Variants in ANKIB1 observed in about 807,000 individuals in gnomAD.
ANKIB1 encodes ankyrin repeat and IBR domain containing 1.
ANKIB1 carries 43 observed loss-of-function variants against 122.1 expected under a neutral mutation model. The observed-to-expected ratio is 0.35, with a 90% CI of 0.28 to 0.45. The LOEUF (loss-of-function observed/expected upper bound fraction) is 0.45. ANKIB1 is among the 20% of genes least tolerant of loss of function. The pLI, the probability that ANKIB1 is intolerant of heterozygous loss-of-function variation, is 1.00. For synonymous variants in ANKIB1, 390 were observed against 442.0 expected (o/e 0.88, Z 1.48); for missense variants, 992 against 1,329.5 (o/e 0.75, Z 3.95).
At chr7:92,292,404 A>G (rs1802267926) in intron 1 of ANKIB1, among the ~76,000 whole-genome samples, 1 of 152,202 alleles carries the variant, frequency 6.6e-6, no homozygotes, top group Non-Finnish European at 1.5e-5. Flanking sequence ...GCTTTAAATG[A>G]GTACTCCATG....
intron 1 of ANKIB1, among the ~76,000 whole-genome samples, chr7:92,248,878 T>A (rs1033671042): frequency 1.4e-5 from 2 of 145,802 alleles, no homozygotes; most frequent in African/African-American, 5.0e-5. Context: ...TTTTCTTTTT[T>A]CTTTTCTTTC....
At chr7:92,343,446 T>C (rs1181625466) in intron 6 of ANKIB1, among the ~76,000 whole-genome samples, 2 of 152,016 alleles carry the variant, frequency 1.3e-5, no homozygotes, top group African/African-American at 4.8e-5. Context: ...AAAAAAAAGG[T>C]TTTCTTTCCT....
intron 9 of ANKIB1, 103 bp from the exon 10 acceptor site, chr7:92,362,082 A>T (rs1803961848): frequency 9.6e-7 from 1 of 1,043,238 alleles, no homozygotes; most frequent in East Asian, 2.8e-5. Flanking sequence ...AAGTGCTGGG[A>T]TTACAGGCAT....
At position 92,386,527 on chromosome 7, in the gene ANKIB1, T is replaced by A; in HGVS notation, c.1636T>A (p.Trp546Arg). The change falls in exon 12 of 20, where the codon TGG (tryptophan) becomes AGG (arginine). Residue 546 changes from tryptophan (W) to arginine (R), a missense_variant. Trp to Arg is a moderately radical substitution (Grantham distance 101, BLOSUM62 -3). Coordinates refer to ENST00000265742, the MANE Select transcript of ANKIB1 (RefSeq NM_019004.2). ...TTTGAAGTGCAAGTATGACTTTTGC[T>A]GGATTTGCCTTGAAGAGTGGAAAAA... ...QCAKCKYDFC[W>R]ICLEEWKKHS... 6.3e-7 allele frequency: 1 copy of A among 1,598,356 alleles called. No individual in the cohort carries two copies. Among genetic ancestry groups the A allele is most frequent in the Non-Finnish European group, 8.5e-7 (1 of 1,173,488 alleles).
chr7:92,269,739 C>T (rs946112495), intron 1 of ANKIB1, among the ~76,000 whole-genome samples: 6 of 152,086 alleles, frequency 3.9e-5, no homozygotes, highest in African/African-American at 1.4e-4. Context: ...TTCCCTATAA[C>T]TGAAAGTGTT....
intron 5 of ANKIB1, among the ~76,000 whole-genome samples, chr7:92,341,297 G>A (rs1489773066): frequency 6.8e-6 from 1 of 146,042 alleles, no homozygotes; most frequent in Non-Finnish European, 1.5e-5. Flanking sequence ...GTGACAAAGC[G>A]AGACCCTGTC....
At chr7:92,391,981 A>G (rs1804796647) in intron 16 of ANKIB1, among the ~76,000 whole-genome samples, 1 of 152,204 alleles carries the variant, frequency 6.6e-6, no homozygotes, top group African/African-American at 2.4e-5. Flanking sequence ...ATTTACTTGT[A>G]AAATACAAAT....
At chr7:92,315,701 C>T (rs953033133) in intron 3 of ANKIB1, among the ~76,000 whole-genome samples, 1 of 152,016 alleles carries the variant, frequency 6.6e-6, no homozygotes, top group Non-Finnish European at 1.5e-5. Flanking sequence ...GACTGAGAAA[C>T]GCTGATAGAT....
intron 18 of ANKIB1, 27 bp from the exon 19 acceptor site, chr7:92,397,696 T>A (rs753168056): frequency 6.2e-7 from 1 of 1,606,548 alleles, no homozygotes; most frequent in Non-Finnish European, 8.5e-7. Context: ...CACTAAATTG[T>A]CTTTGGTACC....
At chr7:92,339,198 C>T (rs991972401) in intron 5 of ANKIB1, among the ~76,000 whole-genome samples, 2 of 150,412 alleles carry the variant, frequency 1.3e-5, no homozygotes, top group South Asian at 2.1e-4. Context: ...CCTGCCACCA[C>T]GCCTGGCTAA....
chr7:92,357,234 A>AT (rs959493581), intron 9 of ANKIB1, among the ~76,000 whole-genome samples: 91 of 149,670 alleles, frequency 6.1e-4, no homozygotes, highest in Non-Finnish European at 1.1e-3. Flanking sequence ...TTAGGCAACT[A>AT]TTTTTTTTTT....
intron 1 of ANKIB1, among the ~76,000 whole-genome samples, chr7:92,259,492 G>A (rs547928491): frequency 3.3e-5 from 5 of 152,048 alleles, no homozygotes; most frequent in African/African-American, 1.2e-4. Context: ...TAGATGGGAT[G>A]GGCAGGATGA....
intron 1 of ANKIB1, among the ~76,000 whole-genome samples, chr7:92,258,812 G>A (rs1801502696): frequency 6.6e-6 from 1 of 152,156 alleles, no homozygotes; most frequent in South Asian, 2.1e-4. Flanking sequence ...TCATCCATCT[G>A]CTATCTAGAT....
At chr7:92,270,968 C>T (rs546974004) in intron 1 of ANKIB1, among the ~76,000 whole-genome samples, 22 of 151,792 alleles carry the variant, frequency 1.4e-4, no homozygotes, top group African/African-American at 4.6e-4. Context: ...TGATAAAGTC[C>T]AATTTATCAA....
chr7:92,365,741 G>C (rs963754196), intron 10 of ANKIB1, among the ~76,000 whole-genome samples: 4 of 151,340 alleles, frequency 2.6e-5, no homozygotes, highest in Non-Finnish European at 5.9e-5. Context: ...GGGTAATTCA[G>C]GTGGGAGGGG....
chr7:92,344,927 C>A, intron 6 of ANKIB1, 51 bp from the exon 7 acceptor site: 1 of 1,440,592 alleles, frequency 6.9e-7, no homozygotes, highest in Non-Finnish European at 9.7e-7. Flanking sequence ...ATGTATTGTT[C>A]TCTTTCAGAA....
chr7:92,253,555 CTAATAGT>C (rs1239286372), intron 1 of ANKIB1, among the ~76,000 whole-genome samples: 1 of 152,200 alleles, frequency 6.6e-6, no homozygotes, highest in African/African-American at 2.4e-5. Flanking sequence ...TTTACATATT[CTAATAGT>C]TAATTTTTAA....
chr7:92,328,894 A>G (rs894798589), intron 5 of ANKIB1, among the ~76,000 whole-genome samples: 15 of 149,210 alleles, frequency 1.0e-4, no homozygotes, highest in African/African-American at 3.7e-4. Context: ...CAGAATCACT[A>G]CCAAAAAAAC....
intron 4 of ANKIB1, among the ~76,000 whole-genome samples, chr7:92,321,940 C>T (rs1802921371): frequency 6.6e-6 from 1 of 152,148 alleles, no homozygotes; most frequent in African/African-American, 2.4e-5. Context: ...ACATGGGAAC[C>T]TTGAATGACA....
Sources: gnomAD v4.1 joint callset for allele counts (sites outside exome capture counted in the v4.1 genomes callset) on GRCh38, gnomAD v4.1.1 for gene constraint, MANE v1.5 for transcripts, NCBI Gene and HGNC (gene_info 2026-07-23, HGNC 2026-07-21) for gene names.